Variants in SGTB observed in about 807,000 individuals in gnomAD.
SGTB encodes the protein small glutamine rich tetratricopeptide repeat co-chaperone beta.
Under a neutral mutation model 43.9 loss-of-function variants are expected in SGTB, and 19 were observed. That is an observed-to-expected ratio of 0.43 (90% CI 0.30 to 0.63). The LOEUF (loss-of-function observed/expected upper bound fraction) is 0.63, where lower values mean the gene tolerates loss of function less well. Among genes scored for constraint, SGTB ranks in the 30% least tolerant of loss-of-function variants. The pLI is 0.12. For synonymous variants in SGTB, 116 were observed against 117.3 expected (o/e 0.99, Z 0.07); for missense variants, 304 against 358.9 (o/e 0.85, Z 1.24).
intron 3 of SGTB, among the ~76,000 whole-genome samples, chr5:65,711,164 CA>C (rs1326965624): frequency 6.7e-6 from 1 of 149,416 alleles, no homozygotes; most frequent in Non-Finnish European, 1.5e-5. Context: ...GACTCCATCT[CA>C]AAAAAAAAGA....
At chr5:65,670,531 A>G (rs1002220213) in intron 10 of SGTB, among the ~76,000 whole-genome samples, 174 bp from the exon 11 acceptor site, 6 of 152,232 alleles carry the variant, frequency 3.9e-5, no homozygotes, top group African/African-American at 1.4e-4. Flanking sequence ...ATATAGCATT[A>G]TTACAATGCA....
At chr5:65,701,881 C>T (rs987428717) in intron 5 of SGTB, among the ~76,000 whole-genome samples, 1 of 152,176 alleles carries the variant, frequency 6.6e-6, no homozygotes, top group African/African-American at 2.4e-5. Context: ...GATCCGCCCG[C>T]GTCGGCGTCC....
At chr5:65,677,217 A>T (rs1757299325) in intron 8 of SGTB, among the ~76,000 whole-genome samples, 2 of 151,936 alleles carry the variant, frequency 1.3e-5, no homozygotes, top group Admixed American at 1.3e-4. Context: ...AATTTTACTA[A>T]TGAATTTCTA....
At chr5:65,708,828 C>T (rs1310513481) in intron 3 of SGTB, among the ~76,000 whole-genome samples, 1 of 152,080 alleles carries the variant, frequency 6.6e-6, no homozygotes, top group Non-Finnish European at 1.5e-5. Flanking sequence ...ACAGCTTGAG[C>T]TCAGGAGTTC....
chr5:65,677,688 T>C (rs953278969), intron 8 of SGTB, among the ~76,000 whole-genome samples: 12 of 152,200 alleles, frequency 7.9e-5, no homozygotes, highest in Non-Finnish European at 1.6e-4. Context: ...TGTTTCTACA[T>C]ATGCAAATCA....
intron 5 of SGTB, among the ~76,000 whole-genome samples, chr5:65,698,100 G>C (rs1443062114): frequency 6.6e-6 from 1 of 152,148 alleles, no homozygotes; most frequent in African/African-American, 2.4e-5. Context: ...TCTGATGGTA[G>C]CTGGGATTAC....
At chr5:65,673,238 A>C (rs1373375964) in intron 8 of SGTB, among the ~76,000 whole-genome samples, 1 of 152,202 alleles carries the variant, frequency 6.6e-6, no homozygotes, top group Non-Finnish European at 1.5e-5. Flanking sequence ...AAATACATAA[A>C]GCTTCATTTA....
chr5:65,722,395 G>A (rs755011078), upstream of SGTB: 6 of 1,590,594 alleles, frequency 3.8e-6, no homozygotes, highest in South Asian at 6.9e-5. Flanking sequence ...GTGCCTTTTG[G>A]CTGTGCGAAG....
chr5:65,722,600 C>G (rs1758342420), upstream of SGTB, among the ~76,000 whole-genome samples: 1 of 152,232 alleles, frequency 6.6e-6, no homozygotes. Context: ...GGCCACCTTT[C>G]CCGCCTCCGC....
At chr5:65,705,721 TG>T (rs1303893571) in intron 4 of SGTB, among the ~76,000 whole-genome samples, 1 of 152,164 alleles carries the variant, frequency 6.6e-6, no homozygotes, top group South Asian at 2.1e-4. Context: ...GGTTTTTGTT[TG>T]GGGGGTTATA....
chr5:65,680,752 T>C lies in SGTB; in HGVS notation c.522A>G (p.Thr174=). 24 of 1,613,950 alleles carry C rather than the reference T, an allele frequency of 1.5e-5. No homozygotes were observed. Among genetic ancestry groups the C allele is most frequent in the Non-Finnish European group, 1.9e-5 (23 of 1,179,996 alleles). The part of the protein sequence containing the change: ...TALNKFEEAV[T]SYQKALDLDP... ...CAAGATCTAATGCCTTTTGATAACT[T>C]GTAACTGCTTCTTCAAATTTATTCA... Residue 174 remains threonine (T), a synonymous_variant, in exon 7 of 11, where the codon ACA becomes ACG. Transcript: ENST00000381007.
intron 3 of SGTB, among the ~76,000 whole-genome samples, chr5:65,709,263 C>T (rs1453778185): frequency 6.6e-6 from 1 of 151,702 alleles, no homozygotes; most frequent in African/African-American, 2.4e-5. Flanking sequence ...TCACAATCTA[C>T]AAAAAATCAT....
chr5:65,702,581 C>T (rs1319912665), intron 5 of SGTB, among the ~76,000 whole-genome samples: 2 of 152,182 alleles, frequency 1.3e-5, no homozygotes, highest in Admixed American at 6.5e-5. Context: ...GGTAGGGGTA[C>T]TCCTCCTGCT....
chr5:65,669,168 T>G lies in SGTB; in HGVS notation c.*1078A>C, dbSNP rs1363760168. 1 of 151,982 alleles carries G rather than the reference T, an allele frequency of 6.6e-6. No individual in the cohort carries two copies. The highest frequency in any genetic ancestry group is 1.5e-5 in the Non-Finnish European group (1 of 68,000). The allele number at this position is 151,982 out of a possible 1,614,324, so 9.4% of individuals were successfully genotyped here. A position where few individuals can be genotyped will look rare whatever the true frequency, so the allele number is the denominator to read the frequency against. On this transcript the variant is annotated 3_prime_UTR_variant, in exon 11 of 11. Transcript: ENST00000381007. ...TTTAAATTGCATCAAATTTAAATTATGTTAATTATAAGACTGGCATGCCAA... is the reference window on the plus strand; with the variant it reads ...TTTAAATTGCATCAAATTTAAATTAGGTTAATTATAAGACTGGCATGCCAA...
At chr5:65,683,475 T>A (rs1333843146) in intron 6 of SGTB, among the ~76,000 whole-genome samples, 1 of 152,038 alleles carries the variant, frequency 6.6e-6, no homozygotes, top group Non-Finnish European at 1.5e-5. Context: ...TTTAAAAGCA[T>A]GGAGCAGGAT....
chr5:65,697,039 A>C (rs1336161918), intron 5 of SGTB, among the ~76,000 whole-genome samples: 1 of 152,210 alleles, frequency 6.6e-6, no homozygotes, highest in East Asian at 1.9e-4. Flanking sequence ...TAGATTGGCT[A>C]TTCTGAGCTT....
chr5:65,697,775 G>C (rs1757740168), intron 5 of SGTB, among the ~76,000 whole-genome samples: 1 of 152,052 alleles, frequency 6.6e-6, no homozygotes, highest in Non-Finnish European at 1.5e-5. Context: ...ATAAAATCTG[G>C]ACAACATTTA....
chr5:65,679,987 C>G (rs1269044694), intron 8 of SGTB, among the ~76,000 whole-genome samples: 1 of 152,142 alleles, frequency 6.6e-6, no homozygotes, highest in African/African-American at 2.4e-5. Context: ...GCAGCCAAAA[C>G]AAGAAATAAG....
chr5:65,670,172 G>A lies in SGTB; in HGVS notation c.*74C>T. 7.7e-7 allele frequency: 1 copy of A among 1,300,404 alleles called. No homozygotes were observed. The highest frequency in any genetic ancestry group is 1.1e-6 in the Non-Finnish European group (1 of 914,672). The allele number at this position is 1,300,404 out of a possible 1,614,324, so 80.6% of individuals were successfully genotyped here. On this transcript the variant is annotated 3_prime_UTR_variant, in exon 11 of 11. Coordinates refer to ENST00000381007, the MANE Select transcript of SGTB (RefSeq NM_019072.3). ...TGTTTGGTTTTTTGAAGGAGGGAGG[G>A]GGTACTATCTACAACAAATACTTCA...
Sources: allele counts gnomAD v4.1 joint callset (sites outside exome capture counted in the v4.1 genomes callset), GRCh38; gene constraint gnomAD v4.1.1; transcripts MANE v1.5; gene names NCBI Gene and HGNC (gene_info 2026-07-23, HGNC 2026-07-21).